ARHGEF18: variants seen among roughly 807,000 people sequenced by gnomAD.
ARHGEF18 encodes the protein Rho/Rac guanine nucleotide exchange factor 18, also known as rho guanine nucleotide exchange factor 18.
A neutral mutation model predicts 155.7 loss-of-function variants in ARHGEF18; 93 were observed. The ratio of observed to expected loss-of-function variants is 0.60; its 90% CI spans 0.50 to 0.71. ARHGEF18 has a LOEUF of 0.71. Ranked by LOEUF, ARHGEF18 falls within the 30% of genes least tolerant of loss-of-function variation. ARHGEF18 has a pLI of 0.00. For synonymous variants in ARHGEF18, 742 were observed against 753.1 expected, an observed-to-expected ratio of 0.99 and a Z score of 0.24; for missense variants, 1,593 against 1,816.1, an observed-to-expected ratio of 0.88 and a Z score of 2.23.
In ARHGEF18 at chr19:7,447,141, A is replaced by C. The variant is rs771760759; in HGVS notation, c.1710A>C (p.Gln570His). The change falls in exon 15 of 29, where the codon CAA becomes CAC. Residue 570 changes from glutamine (Q) to histidine (H), a missense_variant. Physicochemically the swap from Gln to His is conservative, Grantham distance 24. Transcript: ENST00000668164. ...GTCATTACAAGTTGCTGCTTCAGCA[A>C]AACAAGAAATTTCAAAACTTGATCA... is the stretch of plus-strand genomic sequence containing the variant. ...AVSHYKLLLQ[Q>H]NKKFQNLIKK... The C allele has an allele frequency of 6.2e-7, 1 of 1,613,114 alleles. No individual in the cohort carries two copies. Among genetic ancestry groups the C allele is most frequent in the African/African-American group, 1.3e-5 (1 of 74,884 alleles).
At position 7,440,689 on chromosome 19, in the gene ARHGEF18, C is replaced by A. The variant is rs1290838458; in HGVS notation, c.1106+207C>A. Among the ~76,000 whole-genome samples, 1 of 152,128 alleles carries A rather than the reference C, an allele frequency of 6.6e-6. No individual in the cohort carries two copies. The highest frequency in any genetic ancestry group is 1.5e-5 in the Non-Finnish European group (1 of 68,000). ...CGATGTGTCCCGGGGTGTATTCGGC[C>A]CCTGGTGGAGCCAGTTTGCTTAGTG... On this transcript the variant is annotated intron_variant, in intron 11 of 28. Transcript: ENST00000668164. This position sits in a 1 kb window ranked among gnomAD's most constrained non-coding sequence, Gnocchi z 5.4.
intron 2 of ARHGEF18, among the ~76,000 whole-genome samples, chr19:7,371,826 A>T (rs1447402764): frequency 6.6e-6 from 1 of 152,078 alleles, no homozygotes; most frequent in Admixed American, 6.6e-5. Context: ...ATCTCAAAAA[A>T]AAAAAAGGTT....
chr19:7,467,676 C>T lies in ARHGEF18; in HGVS notation c.3472C>T (p.Leu1158=). 6.6e-7 allele frequency: 1 copy of T among 1,505,958 alleles called. No individual in the cohort carries two copies. The highest frequency in any genetic ancestry group is 8.8e-7 in the Non-Finnish European group (1 of 1,135,598). 93.3% of individuals were successfully genotyped at this position (1,505,958 alleles called of 1,614,324 possible). A position where few individuals can be genotyped will look rare whatever the true frequency, so the allele number is the denominator to read the frequency against. Residue 1158 remains leucine (L), a synonymous_variant, in exon 26 of 29, where the codon CTG becomes TTG. Coordinates refer to ENST00000668164, the MANE Select transcript of ARHGEF18 (RefSeq NM_001367823.1). ...TAPGALPPDT[L]AEAQPPSHPP... ...GCCAGGCGCGCTGCCGCCCGACACACTGGCCGAGGTGAGCGCGCAGCAGCC... is the reference window on the plus strand; with the variant it reads ...GCCAGGCGCGCTGCCGCCCGACACATTGGCCGAGGTGAGCGCGCAGCAGCC...
At chr19:7,352,842 T>TTTTTG in intron 1 of ARHGEF18, among the ~76,000 whole-genome samples, 1 of 107,632 alleles carries the variant, frequency 9.3e-6, no homozygotes, top group South Asian at 3.3e-4. Flanking sequence ...CTTTTTTTTT[T>TTTTTG]TTTTTTTTTT....
the ARHGEF18 span, chr19:7,478,512 A>G: frequency 2.3e-6 from 2 of 870,820 alleles, no homozygotes; most frequent in Non-Finnish European, 3.6e-6. Context: ...CTGCCCCCAC[A>G]GTCCCACACC....
At chr19:7,449,264 C>T (rs943027672) in intron 15 of ARHGEF18, among the ~76,000 whole-genome samples, 1 of 151,982 alleles carries the variant, frequency 6.6e-6, no homozygotes, top group African/African-American at 2.4e-5. Context: ...GGTTCTTAGC[C>T]AGAGGTGAGC....
rs182877828 is a variant in ARHGEF18 at position 7,364,727 on chromosome 19, G to A, written c.15+1822G>A. Among the ~76,000 whole-genome samples, 417 of 152,272 alleles carry A rather than the reference G, an allele frequency of 2.7e-3. 1 individual carries two copies. Among genetic ancestry groups the A allele is most frequent in the Middle Eastern group, 6.8e-3 (2 of 294 alleles). ...GTGACAGCCTCCAGGCTGCTTCAGG[G>A]AAGGTCTCCTGGGGTGGAAGATGTG... On this transcript the variant is annotated intron_variant, in intron 2 of 28. Transcript: ENST00000668164.
At chr19:7,478,379 G>A in the ARHGEF18 span, 1 of 1,608,896 alleles carries the variant, frequency 6.2e-7, no homozygotes, top group East Asian at 2.2e-5. Flanking sequence ...ACAGGGACCT[G>A]CAGCACCAGA....
chr19:7,373,556 A>G (rs1970300946), intron 3 of ARHGEF18, among the ~76,000 whole-genome samples: 1 of 151,094 alleles, frequency 6.6e-6, no homozygotes, highest in Non-Finnish European at 1.5e-5. Context: ...GCTCACTGCA[A>G]TCTCCGCCTC....
Position 7,472,160 on chromosome 19 carries a change from G to GGTGGGAACCCCGCGTCCCCGCC in ARHGEF18, c.*1863_*1884dup, listed in dbSNP as rs1977067676. Reference sequence around the variant, plus strand: ...TCAAGGAATTTCTGCTCGGCCACGCGGTGGGAACCCCGCGTCCCCGCCATG... The same window carrying GGTGGGAACCCCGCGTCCCCGCC: ...TCAAGGAATTTCTGCTCGGCCACGCGGTGGGAACCCCGCGTCCCCGCCGTGGGAACCCCGCGTCCCCGCCATG... On this transcript the variant is annotated 3_prime_UTR_variant, in exon 29 of 29. Transcript: ENST00000668164. The GGTGGGAACCCCGCGTCCCCGCC allele has an allele frequency of 6.6e-6, 1 of 152,322 alleles. No individual in the cohort carries two copies. Among genetic ancestry groups the GGTGGGAACCCCGCGTCCCCGCC allele is most frequent in the Non-Finnish European group, 1.5e-5 (1 of 68,036 alleles). 9.4% of individuals were successfully genotyped at this position (152,322 alleles called of 1,614,324 possible).
chr19:7,389,497 CCCTT>C (rs60652111), intron 10 of ARHGEF18, among the ~76,000 whole-genome samples: 89,102 of 138,266 alleles, frequency 0.64, 29,024 homozygotes, highest in East Asian at 0.82. Context: ...CTTCCTTCCT[CCCTT>C]CCTTCCTTCC....
chr19:7,458,456 C>T, intron 18 of ARHGEF18, 56 bp from the exon 19 acceptor site: 1 of 1,554,728 alleles, frequency 6.4e-7, no homozygotes, highest in African/African-American at 1.4e-5. Flanking sequence ...GACCTCCCTG[C>T]TGTTTGGGTG....
chr19:7,366,995 C>G (rs1969916948), intron 2 of ARHGEF18, among the ~76,000 whole-genome samples: 1 of 151,900 alleles, frequency 6.6e-6, no homozygotes, highest in Non-Finnish European at 1.5e-5. Flanking sequence ...CCCCTAGTCT[C>G]AACTGATCCT....
intron 10 of ARHGEF18, among the ~76,000 whole-genome samples, chr19:7,427,000 C>A (rs773517767): frequency 2.8e-4 from 42 of 152,152 alleles, no homozygotes; most frequent in Non-Finnish European, 4.7e-4. Flanking sequence ...GGTGGAGGAG[C>A]CGAGGTCAGG....
chr19:7,403,554 T>TTTC (rs200048795), intron 10 of ARHGEF18, among the ~76,000 whole-genome samples: 18 of 140,090 alleles, frequency 1.3e-4, no homozygotes, highest in Non-Finnish European at 1.7e-4. Flanking sequence ...TCTTTCTTTC[T>TTTC]TTTTTTTTTT....
chr19:7,471,835 T>C lies in ARHGEF18; in HGVS notation c.*1537T>C, dbSNP rs1194181574. On this transcript the variant is annotated 3_prime_UTR_variant, in exon 29 of 29. Transcript: ENST00000668164. The surrounding 1 kb of genome is among the most constrained non-coding windows in gnomAD (Gnocchi z 4.4). Reference sequence around the variant, plus strand: ...GCCATACAGCCCATTGGTGACAAGGTCCTGAGAACACAGTGGCCAGGTGTC... The same window carrying C: ...GCCATACAGCCCATTGGTGACAAGGCCCTGAGAACACAGTGGCCAGGTGTC... The C allele has an allele frequency of 6.6e-6, 1 of 152,082 alleles. No homozygotes were observed. The highest frequency in any genetic ancestry group is 1.5e-5 in the Non-Finnish European group (1 of 68,032). The allele number at this position is 152,082 out of a possible 1,614,324, so 9.4% of individuals were successfully genotyped here.
Position 7,383,157 on chromosome 19 carries a change from C to A in ARHGEF18, c.921C>A (p.Ser307=). 4 of 1,232,274 alleles carry A rather than the reference C, an allele frequency of 3.2e-6. No homozygotes were observed. The highest frequency in any genetic ancestry group is 4.0e-6 in the Non-Finnish European group (4 of 988,090). 76.3% of individuals were successfully genotyped at this position (1,232,274 alleles called of 1,614,324 possible). ...ACCAGCTGTTGCAAGGGACCTTCTC[C>A]GGCCCCTCCAGCTGCCCCCTGTGTG... ...NGHQLLQGTF[S]GPSSCPLCGK... The change falls in exon 10 of 29, where the codon TCC becomes TCA. Residue 307 remains serine (S), a synonymous_variant. Transcript: ENST00000668164.
intron 10 of ARHGEF18, among the ~76,000 whole-genome samples, chr19:7,412,411 C>A (rs1972741122): frequency 6.6e-6 from 1 of 151,590 alleles, no homozygotes; most frequent in Non-Finnish European, 1.5e-5. Context: ...GGTTTCTCCG[C>A]CTTCTCACCG....
chr19:7,376,241 G>A (rs992074765), intron 4 of ARHGEF18, among the ~76,000 whole-genome samples: 22 of 152,156 alleles, frequency 1.4e-4, no homozygotes, highest in Admixed American at 9.2e-4. Flanking sequence ...GGGGTATGCA[G>A]CTACAGCTAA....
Sources: allele counts gnomAD v4.1 joint callset (sites outside exome capture counted in the v4.1 genomes callset), GRCh38; gene constraint gnomAD v4.1.1; non-coding constraint Gnocchi (gnomAD v3.1); transcripts MANE v1.5; gene names NCBI Gene and HGNC (gene_info 2026-07-23, HGNC 2026-07-21).